Variants in NEGR1 observed in about 807,000 individuals in gnomAD.
NEGR1 encodes the protein neuronal growth regulator 1.
NEGR1 carries 10 observed loss-of-function variants against 40.9 expected under a neutral mutation model. The observed-to-expected ratio is 0.24, with a 90% CI of 0.15 to 0.42. The LOEUF is 0.42. Ranked by LOEUF, NEGR1 falls within the 10% of genes least tolerant of loss-of-function variation. The pLI, the probability that NEGR1 is intolerant of heterozygous loss-of-function variation, is 1.00. For missense variants in NEGR1, 352 were observed against 438.9 expected, an observed-to-expected ratio of 0.80 and a Z score of 1.77; for synonymous variants, 185 against 166.8, an observed-to-expected ratio of 1.11 and a Z score of -0.84.
intron 2 of NEGR1, among the ~76,000 whole-genome samples, chr1:71,792,900 G>A (rs577879824): frequency 3.9e-5 from 6 of 151,914 alleles, no homozygotes; most frequent in Non-Finnish European, 7.4e-5. Context: ...GTGTTGCAAG[G>A]CAGCTAATTG....
chr1:71,723,827 A>G (rs1396054539), intron 3 of NEGR1, among the ~76,000 whole-genome samples: 3 of 152,098 alleles, frequency 2.0e-5, no homozygotes. Context: ...ATTGGTGTGT[A>G]AAGTGGGGGC....
At chr1:71,641,291 T>A (rs1651340711) in intron 4 of NEGR1, among the ~76,000 whole-genome samples, 1 of 151,992 alleles carries the variant, frequency 6.6e-6, no homozygotes. Flanking sequence ...TACATATGTA[T>A]CTCATGAAAA....
chr1:72,159,782 G>A (rs1365836377), intron 1 of NEGR1, among the ~76,000 whole-genome samples: 2 of 152,068 alleles, frequency 1.3e-5, no homozygotes, highest in Admixed American at 6.6e-5. Context: ...AAAAGATATC[G>A]ATGATAAATG....
chr1:71,988,046 A>G (rs1175802630), intron 1 of NEGR1, among the ~76,000 whole-genome samples: 1 of 152,230 alleles, frequency 6.6e-6, no homozygotes, highest in Non-Finnish European at 1.5e-5. Flanking sequence ...CCATAGATGA[A>G]GAGCACGTAC....
At chr1:71,851,937 C>T (rs1217163585) in intron 2 of NEGR1, among the ~76,000 whole-genome samples, 2 of 152,038 alleles carry the variant, frequency 1.3e-5, no homozygotes, top group Admixed American at 1.3e-4. Context: ...TCCTTTTACA[C>T]AAGGTTCTTG....
At chr1:72,186,828 CTG>C (rs1430937256) in intron 1 of NEGR1, among the ~76,000 whole-genome samples, 2 of 151,536 alleles carry the variant, frequency 1.3e-5, no homozygotes, top group East Asian at 1.9e-4. Flanking sequence ...ACTCTGAAAA[CTG>C]TAATTTTTCT....
At chr1:72,176,416 C>A (rs1192478839) in intron 1 of NEGR1, among the ~76,000 whole-genome samples, 4 of 152,024 alleles carry the variant, frequency 2.6e-5, no homozygotes, top group African/African-American at 9.7e-5. Flanking sequence ...TATATTCAAA[C>A]TCTAATGGAG....
chr1:71,785,147 G>A (rs1275732591), intron 2 of NEGR1, among the ~76,000 whole-genome samples: 1 of 152,130 alleles, frequency 6.6e-6, no homozygotes, highest in East Asian at 1.9e-4. Flanking sequence ...ATAAAACACT[G>A]CTTAAAATCA....
At position 71,895,376 on chromosome 1, in the gene NEGR1, T is replaced by G. The variant is rs1273321373; in HGVS notation, c.409+39703A>C. On this transcript the variant is annotated intron_variant, in intron 2 of 6. Transcript: ENST00000357731. The stretch of plus-strand genomic sequence containing the variant: ...TTTGTGTGCACAATTCAAAAGTTTT[T>G]AGCAAATCCAGTTTTGTAAGCATCA... Among the ~76,000 whole-genome samples the G allele has an allele frequency of 2.6e-5, 4 of 152,188 alleles. No individual in the cohort carries two copies. The East Asian group carries it at 7.7e-4, about 29-fold the overall frequency.
intron 4 of NEGR1, among the ~76,000 whole-genome samples, chr1:71,638,444 G>T (rs1290587624): frequency 6.6e-6 from 1 of 152,036 alleles, no homozygotes; most frequent in Non-Finnish European, 1.5e-5. Flanking sequence ...TAAAAATAAA[G>T]CATTTTGTGA....
intron 4 of NEGR1, among the ~76,000 whole-genome samples, chr1:71,659,777 T>C (rs1264535502): frequency 6.6e-6 from 1 of 152,158 alleles, no homozygotes; most frequent in East Asian, 1.9e-4. Context: ...CACAATGAGA[T>C]GCCATCTCAA....
chr1:71,580,752 T>A (rs2101504774), intron 6 of NEGR1, among the ~76,000 whole-genome samples: 1 of 152,302 alleles, frequency 6.6e-6, no homozygotes, highest in African/African-American at 2.4e-5. Context: ...CACCTCTATG[T>A]GAGCTAGGTG....
At chr1:72,192,038 A>C (rs545262654) in intron 1 of NEGR1, among the ~76,000 whole-genome samples, 1 of 152,080 alleles carries the variant, frequency 6.6e-6, no homozygotes, top group East Asian at 1.9e-4. Context: ...TATTTGAAGA[A>C]AGTACATTTA....
At chr1:72,267,987 G>C (rs765855480) in intron 1 of NEGR1, among the ~76,000 whole-genome samples, 28 of 149,270 alleles carry the variant, frequency 1.9e-4, no homozygotes, top group East Asian at 1.9e-4. Context: ...ATCCCAGATG[G>C]AAAAAAAAAT....
At chr1:71,737,135 G>C (rs1357248829) in intron 3 of NEGR1, among the ~76,000 whole-genome samples, 1 of 152,162 alleles carries the variant, frequency 6.6e-6, no homozygotes, top group East Asian at 1.9e-4. Flanking sequence ...AAGTAGAGAT[G>C]TAACCTGAAT....
chr1:71,981,117 T>C lies in NEGR1; in HGVS notation c.177-45806A>G, dbSNP rs563438135. ...TCCCAAGAGCTACTAGGTGTAAGAA[T>C]GACAATGTTCCCTAAAATGAATCTA... On this transcript the variant is annotated intron_variant, in intron 1 of 6. Transcript: ENST00000357731. Among the ~76,000 whole-genome samples the C allele has an allele frequency of 5.9e-5, 9 of 152,284 alleles. No individual in the cohort carries two copies. In the South Asian group the frequency reaches 1.9e-3, roughly 32 times the overall value.
intron 6 of NEGR1, among the ~76,000 whole-genome samples, chr1:71,491,577 CT>C (rs58078187): frequency 2.3e-4 from 33 of 146,310 alleles, no homozygotes; most frequent in South Asian, 4.4e-4. Flanking sequence ...CAGGGCTTGA[CT>C]TTTTTTTTTT....
chr1:71,710,132 G>C (rs1654031381), intron 3 of NEGR1, among the ~76,000 whole-genome samples: 1 of 152,176 alleles, frequency 6.6e-6, no homozygotes, highest in African/African-American at 2.4e-5. Context: ...ACAGGCATTT[G>C]AAAAGGCAAT....
At chr1:71,780,505 G>A (rs954967442) in intron 2 of NEGR1, among the ~76,000 whole-genome samples, 1 of 152,170 alleles carries the variant, frequency 6.6e-6, no homozygotes. Context: ...ATAATTAATT[G>A]TTGTGTATTA....
Sources: gnomAD v4.1 joint callset for allele counts (sites outside exome capture counted in the v4.1 genomes callset) on GRCh38, gnomAD v4.1.1 for gene constraint, MANE v1.5 for transcripts, NCBI Gene and HGNC (gene_info 2026-07-23, HGNC 2026-07-21) for gene names.